The following CELF2 variants were observed in gnomAD, a reference collection of about 807,000 sequenced individuals.
The protein encoded by CELF2 is CUGBP Elav-like family member 2, also known as CUG triplet repeat RNA-binding protein 2.
In CELF2, 8 loss-of-function variants were observed where a neutral mutation model predicts 62.6. The observed-to-expected ratio is 0.13, with a 90% CI of 0.07 to 0.23. CELF2 has a LOEUF of 0.23. CELF2 is among the 10% of genes least tolerant of loss of function. CELF2 has a pLI of 1.00. For synonymous variants in CELF2, 258 were observed against 250.0 expected, an observed-to-expected ratio of 1.03 and a Z score of -0.30; for missense variants, 333 against 671.0, an observed-to-expected ratio of 0.50 and a Z score of 5.56.
At chr10:10,543,758 TCAACAA>T in the CELF2 span, among the ~76,000 whole-genome samples, 1 of 151,102 alleles carries the variant, frequency 6.6e-6, no homozygotes, top group East Asian at 1.9e-4. Flanking sequence ...AAACTCCATT[TCAACAA>T]CAACAACAAC....
the CELF2 span, among the ~76,000 whole-genome samples, chr10:10,569,554 A>T: frequency 5.9e-5 from 9 of 152,236 alleles, no homozygotes; most frequent in South Asian, 1.9e-3. Context: ...GATAAAATAT[A>T]TTTTAATCCA....
intron 1 of CELF2, among the ~76,000 whole-genome samples, chr10:11,135,782 G>C (rs1336154481): frequency 6.6e-6 from 1 of 152,216 alleles, no homozygotes; most frequent in Non-Finnish European, 1.5e-5. Context: ...TGGAGTCCTA[G>C]AGGCAAAGGG....
At chr10:11,094,566 T>C (rs2049235581) in intron 1 of CELF2, among the ~76,000 whole-genome samples, 3 of 152,204 alleles carry the variant, frequency 2.0e-5, no homozygotes, top group Admixed American at 6.5e-5. Context: ...AGCTTTTTCC[T>C]GACAACAATT....
In CELF2 at chr10:11,217,674, A is replaced by G. The variant is rs1480398616; in HGVS notation, c.354+167A>G. On this transcript the variant is annotated intron_variant, in intron 3 of 12. Coordinates refer to ENST00000633077, the MANE Select transcript of CELF2 (RefSeq NM_001326342.2). This position sits in a 1 kb window ranked among gnomAD's most constrained non-coding sequence, Gnocchi z 5.6. Reference sequence around the variant, plus strand: ...AGCAGCCACACCAGCTGGCCAGCCCATAAAGGAGCGCTGGCATTAACACTG... The same window carrying G: ...AGCAGCCACACCAGCTGGCCAGCCCGTAAAGGAGCGCTGGCATTAACACTG... Among the ~76,000 whole-genome samples, 2 of 152,192 alleles carry G rather than the reference A, an allele frequency of 1.3e-5. No individual in the cohort carries two copies. Among genetic ancestry groups the G allele is most frequent in the Admixed American group, 1.3e-4 (2 of 15,276 alleles).
At chr10:10,492,879 G>C in the CELF2 span, among the ~76,000 whole-genome samples, 15 of 134,632 alleles carry the variant, frequency 1.1e-4, no homozygotes, top group African/African-American at 4.1e-4. Context: ...TCTCATGAGA[G>C]CTGATGGTTT....
intron 3 of CELF2, among the ~76,000 whole-genome samples, chr10:11,231,359 T>G (rs1157254151): frequency 1.3e-5 from 2 of 152,200 alleles, no homozygotes; most frequent in Admixed American, 6.5e-5. Flanking sequence ...TAGACCAGCA[T>G]CAAAGAGTGA....
chr10:10,844,226 G>A (rs1374095274), intron 1 of CELF2, among the ~76,000 whole-genome samples: 2 of 151,734 alleles, frequency 1.3e-5, no homozygotes, highest in African/African-American at 2.4e-5. Context: ...GAACCTATTG[G>A]GTCAAATTTC....
chr10:11,068,241 G>T (rs1490082709), intron 1 of CELF2, among the ~76,000 whole-genome samples: 1 of 152,174 alleles, frequency 6.6e-6, no homozygotes, highest in East Asian at 1.9e-4. Context: ...ATACTAATCA[G>T]ACCAATAAAT....
At chr10:10,869,855 T>G (rs1464985392) in intron 1 of CELF2, among the ~76,000 whole-genome samples, 2 of 152,182 alleles carry the variant, frequency 1.3e-5, no homozygotes, top group Non-Finnish European at 2.9e-5. Context: ...GTGACATGTT[T>G]CTTTGGTCCC....
chr10:11,010,046 C>G lies in CELF2; in HGVS notation c.53+4606C>G, dbSNP rs565194641. The stretch of plus-strand genomic sequence containing the variant: ...GTTGCTTTTCATCCTTCTTGTAAGG[C>G]TCTCCATCTCAGTCCCACCAGGACA... On this transcript the variant is annotated intron_variant, in intron 1 of 12. Coordinates refer to the CELF2 transcript ENST00000416382. The surrounding 1 kb of genome is among the most constrained non-coding windows in gnomAD (Gnocchi z 4.1). The G allele has an allele frequency of 2.6e-5, 4 of 152,376 alleles. No individual in the cohort carries two copies. Among genetic ancestry groups the G allele is most frequent in the African/African-American group, 9.6e-5 (4 of 41,578 alleles). The allele number at this position is 152,376 out of a possible 1,614,324, so 9.4% of individuals were successfully genotyped here.
At chr10:10,845,043 A>G (rs2058923352) in intron 1 of CELF2, among the ~76,000 whole-genome samples, 1 of 152,144 alleles carries the variant, frequency 6.6e-6, no homozygotes, top group South Asian at 2.1e-4. Flanking sequence ...ATGGGCTTCT[A>G]ATTCTAGTTC....
chr10:11,299,830 C>A (rs1245903139), intron 9 of CELF2, among the ~76,000 whole-genome samples: 3 of 150,630 alleles, frequency 2.0e-5, no homozygotes, highest in Admixed American at 1.3e-4. Context: ...TTTTTTCGGT[C>A]CTTCTCCGGG....
intron 3 of CELF2, among the ~76,000 whole-genome samples, chr10:11,235,290 G>C (rs1191994897): frequency 6.6e-6 from 1 of 152,134 alleles, no homozygotes; most frequent in Non-Finnish European, 1.5e-5. Flanking sequence ...TCAATAAAGA[G>C]TTCTTGCTTT....
intron 1 of CELF2, among the ~76,000 whole-genome samples, chr10:10,861,453 A>G (rs887323005): frequency 6.6e-6 from 1 of 152,232 alleles, no homozygotes; most frequent in African/African-American, 2.4e-5. Context: ...AACTCATAGT[A>G]TGGAGGCAGC....
chr10:10,719,631 C>G, the CELF2 span, among the ~76,000 whole-genome samples: 2 of 152,282 alleles, frequency 1.3e-5, no homozygotes, highest in African/African-American at 2.4e-5. Context: ...GTTTCCTGAA[C>G]TGCATAATCA....
the CELF2 span, among the ~76,000 whole-genome samples, chr10:10,597,835 G>T: frequency 6.6e-6 from 1 of 152,098 alleles, no homozygotes; most frequent in East Asian, 1.9e-4. Flanking sequence ...CAACACATTT[G>T]TCCAGTTAAA....
Position 11,033,821 on chromosome 10 carries a change from G to A in CELF2, c.74+15658G>A, listed in dbSNP as rs71491560. Reference sequence around the variant, plus strand: ...AGTTGTACAGTCTGTACAGCAGATCGAATAGTTAAGTTGGACAACTGAGGA... The same window carrying A: ...AGTTGTACAGTCTGTACAGCAGATCAAATAGTTAAGTTGGACAACTGAGGA... On this transcript the variant is annotated intron_variant, in intron 1 of 12. Transcript: ENST00000633077. 4.1e-3 allele frequency among the ~76,000 whole-genome samples: 618 copies of A among 152,306 alleles called. 3 individuals carry two copies. The highest frequency in any genetic ancestry group is 0.028 in the South Asian group (134 of 4,828).
At chr10:10,866,632 A>AT (rs1386139639) in intron 1 of CELF2, among the ~76,000 whole-genome samples, 5 of 142,406 alleles carry the variant, frequency 3.5e-5, no homozygotes, top group African/African-American at 1.3e-4. Context: ...AAAAAAAAAA[A>AT]TCCAACAATC....
At chr10:10,795,757 A>AAAAG (rs59155188), upstream of CELF2, among the ~76,000 whole-genome samples, 42,873 of 151,810 alleles carry the variant, frequency 0.28, 6,636 homozygotes, top group East Asian at 0.52. Flanking sequence ...GAAATTAAGA[A>AAAAG]AAAGGCAAAA....
Sources: allele counts gnomAD v4.1 joint callset (sites outside exome capture counted in the v4.1 genomes callset), GRCh38; gene constraint gnomAD v4.1.1; non-coding constraint Gnocchi (gnomAD v3.1); transcripts MANE v1.5; gene names NCBI Gene and HGNC (gene_info 2026-07-23, HGNC 2026-07-21).